PIK3CB: variants seen among roughly 807,000 people sequenced by gnomAD.
PIK3CB encodes the protein phosphatidylinositol-4,5-bisphosphate 3-kinase catalytic subunit beta.
A neutral mutation model predicts 136.8 loss-of-function variants in PIK3CB; 39 were observed. The ratio of observed to expected loss-of-function variants is 0.29; its 90% CI spans 0.22 to 0.37. The LOEUF (loss-of-function observed/expected upper bound fraction) is 0.37, where lower values mean the gene tolerates loss of function less well. PIK3CB is among the 10% of genes least tolerant of loss of function. The pLI, the probability that PIK3CB is intolerant of heterozygous loss-of-function variation, is 1.00. For missense variants in PIK3CB, 868 were observed against 1,275.4 expected (o/e 0.68, Z 4.87); for synonymous variants, 428 against 436.6 (o/e 0.98, Z 0.25).
At chr3:138,796,405 A>G (rs1315090710) in intron 2 of PIK3CB, 58 bp downstream of exon 2, 1 of 151,608 alleles carries the variant, frequency 6.6e-6, no homozygotes, top group African/African-American at 2.4e-5. Flanking sequence ...AAAAAAAAAA[A>G]AAGATTTATA....
chr3:138,700,288 C>A (rs1237629251), intron 12 of PIK3CB, among the ~76,000 whole-genome samples: 1 of 151,974 alleles, frequency 6.6e-6, no homozygotes, highest in Non-Finnish European at 1.5e-5. Context: ...ATACTTTTCA[C>A]AAATAAAAGG....
intron 8 of PIK3CB, among the ~76,000 whole-genome samples, chr3:138,724,551 T>A (rs546809497): frequency 4.9e-4 from 75 of 152,292 alleles, no homozygotes; most frequent in Middle Eastern, 3.4e-3. Flanking sequence ...GGTGTGGAGC[T>A]GAAAGTTCCA....
chr3:138,766,860 T>C (rs2045738255), intron 2 of PIK3CB, among the ~76,000 whole-genome samples: 1 of 152,244 alleles, frequency 6.6e-6, no homozygotes, highest in Non-Finnish European at 1.5e-5. Context: ...TATATCTACC[T>C]TGATATTGTC....
intron 1 of PIK3CB, among the ~76,000 whole-genome samples, chr3:138,829,192 G>T (rs1054918043): frequency 6.6e-6 from 1 of 151,998 alleles, no homozygotes; most frequent in African/African-American, 2.4e-5. Context: ...GCTGAGATGG[G>T]TGGATTGCTT....
At chr3:138,800,425 G>A (rs2046159007) in intron 1 of PIK3CB, among the ~76,000 whole-genome samples, 2 of 151,154 alleles carry the variant, frequency 1.3e-5, no homozygotes, top group African/African-American at 2.4e-5. Context: ...CCTGGGCTAG[G>A]GATCCTCCCA....
chr3:138,714,862 C>A, intron 8 of PIK3CB, 143 bp from the exon 9 acceptor site: 1 of 747,946 alleles, frequency 1.3e-6, no homozygotes, highest in Non-Finnish European at 2.1e-6. Flanking sequence ...AAGAAACATG[C>A]CAAGTTTTAG....
intron 1 of PIK3CB, among the ~76,000 whole-genome samples, chr3:138,810,307 T>G (rs532436690): frequency 6.6e-6 from 1 of 152,244 alleles, no homozygotes; most frequent in Non-Finnish European, 1.5e-5. Context: ...ACTCTTTAAG[T>G]GTGAGCTGCA....
Position 138,665,043 on chromosome 3 carries a change from T to G in PIK3CB, c.2665A>C (p.Asn889His), listed in dbSNP as rs752341311. 5 of 1,602,548 alleles carry G rather than the reference T, an allele frequency of 3.1e-6. No individual in the cohort carries two copies. The highest frequency in any genetic ancestry group is 4.3e-6 in the Non-Finnish European group (5 of 1,172,716). The change falls in exon 20 of 24, where the codon AAC becomes CAC. Residue 889 changes from asparagine (N) to histidine (H), a missense_variant. Asn to His is a moderately conservative substitution (Grantham distance 68). Transcript: ENST00000674063. Reference sequence around the variant, plus strand: ...TAAACAGAATAAACTAACCCAGAGTTGTATTCTTTAAGCCAGTTCAGAAGG... The same window carrying G: ...TAAACAGAATAAACTAACCCAGAGTGGTATTCTTTAAGCCAGTTCAGAAGG... ...DALLNWLKEY[N>H]SGDDLDRAIE...
intron 14 of PIK3CB, among the ~76,000 whole-genome samples, chr3:138,693,984 A>G (rs2044080206): frequency 9.5e-6 from 1 of 105,714 alleles, no homozygotes; most frequent in Non-Finnish European, 1.9e-5. Flanking sequence ...ATATATATAT[A>G]TATATATATT....
rs1273368291 is a variant in PIK3CB at position 138,714,684 on chromosome 3, C to T, written c.1086G>A (p.Glu362=). Reference sequence around the variant, plus strand: ...AGCTTACGATGGTTTTACACAGGAGCTCAGTACCATGAAAAAGACCAGCCC... The same window carrying T: ...AGCTTACGATGGTTTTACACAGGAGTTCAGTACCATGAAAAAGACCAGCCC... The part of the protein sequence containing the change: ...HVRAGLFHGT[E]LLCKTIVSSE... The change falls in exon 9 of 24, where the codon GAG becomes GAA. Residue 362 remains glutamate (E), a synonymous_variant. Transcript: ENST00000674063. The T allele has an allele frequency of 1.9e-6, 3 of 1,611,170 alleles. No individual in the cohort carries two copies. The highest frequency in any genetic ancestry group is 1.3e-5 in the African/African-American group (1 of 74,760).
At chr3:138,695,447 AT>A (rs2044116067) in intron 13 of PIK3CB, among the ~76,000 whole-genome samples, 4 of 152,166 alleles carry the variant, frequency 2.6e-5, no homozygotes, top group Admixed American at 2.6e-4. Context: ...TCTCCGACCA[AT>A]TAAGCTTTGA....
rs2043143600 is a variant in PIK3CB, at chr3:138,653,010, A to G, written c.*2379T>C. On this transcript the variant is annotated 3_prime_UTR_variant, in exon 24 of 24. Coordinates refer to ENST00000674063, the MANE Select transcript of PIK3CB (RefSeq NM_006219.3). Reference sequence around the variant, plus strand: ...TTAACAACAATGAAACTTACAATAAAGTCACTTACCCAGGAATCTAACAAA... The same window carrying G: ...TTAACAACAATGAAACTTACAATAAGGTCACTTACCCAGGAATCTAACAAA... The G allele has an allele frequency of 4.7e-6, 1 of 210,704 alleles. No homozygotes were observed. Among genetic ancestry groups the G allele is most frequent in the Non-Finnish European group, 9.6e-6 (1 of 104,010 alleles). The allele number at this position is 210,704 out of a possible 1,614,324, so 13.1% of individuals were successfully genotyped here. A position where few individuals can be genotyped will look rare whatever the true frequency, so the allele number is the denominator to read the frequency against.
intron 4 of PIK3CB, among the ~76,000 whole-genome samples, chr3:138,750,289 TTCTC>T (rs1197447909): frequency 1.3e-5 from 2 of 152,130 alleles, no homozygotes; most frequent in East Asian, 1.9e-4. Context: ...CATTTAAAAA[TTCTC>T]TCATAAATAT....
At chr3:138,724,817 T>C (rs1008719922) in intron 8 of PIK3CB, among the ~76,000 whole-genome samples, 2 of 152,226 alleles carry the variant, frequency 1.3e-5, no homozygotes, top group Non-Finnish European at 2.9e-5. Flanking sequence ...GGAGACCAAA[T>C]GTATATTCTT....
chr3:138,806,499 C>T (rs1170054656), intron 1 of PIK3CB, among the ~76,000 whole-genome samples: 1 of 151,940 alleles, frequency 6.6e-6, no homozygotes, highest in Non-Finnish European at 1.5e-5. Flanking sequence ...AAAAAAAGAT[C>T]ACTGTTATAT....
intron 11 of PIK3CB, among the ~76,000 whole-genome samples, chr3:138,705,783 C>T (rs2044367779): frequency 6.6e-6 from 1 of 152,162 alleles, no homozygotes; most frequent in African/African-American, 2.4e-5. Context: ...GACAGGGTCT[C>T]TCTCTGTTGC....
chr3:138,790,106 A>G (rs1199904559), intron 2 of PIK3CB, among the ~76,000 whole-genome samples: 1 of 152,214 alleles, frequency 6.6e-6, no homozygotes, highest in Non-Finnish European at 1.5e-5. Context: ...TATGATTCCA[A>G]TTATACAAGG....
At chr3:138,759,114 A>AT (rs1435963879) in intron 3 of PIK3CB, 59 bp downstream of exon 3, 2 of 1,013,922 alleles carry the variant, frequency 2.0e-6, no homozygotes, top group Admixed American at 2.3e-5. Flanking sequence ...TTATAGAATG[A>AT]TATTTCCCCC....
At chr3:138,674,059 A>G (rs1230825179) in intron 19 of PIK3CB, among the ~76,000 whole-genome samples, 2 of 152,122 alleles carry the variant, frequency 1.3e-5, no homozygotes, top group African/African-American at 4.8e-5. Context: ...TTGGGGGTAA[A>G]TAACAGTTGG....
Sources: allele counts gnomAD v4.1 joint callset (sites outside exome capture counted in the v4.1 genomes callset), GRCh38; gene constraint gnomAD v4.1.1; transcripts MANE v1.5; gene names NCBI Gene and HGNC (gene_info 2026-07-23, HGNC 2026-07-21).